The following NRG3 variants were observed in gnomAD, a reference collection of about 807,000 sequenced individuals.
NRG3 encodes neuregulin 3.
In NRG3, 31 loss-of-function variants were observed where a neutral mutation model predicts 66.9. The observed-to-expected ratio is 0.46, with a 90% CI of 0.35 to 0.63. The LOEUF is 0.63. Among genes scored for constraint, NRG3 ranks in the 20% least tolerant of loss-of-function variants. The probability of loss-of-function intolerance (pLI) is 0.00; values close to 1 mark genes in which losing one functional copy is unlikely to be tolerated. For synonymous variants in NRG3, 393 were observed against 359.4 expected, an observed-to-expected ratio of 1.09 and a Z score of -1.06; for missense variants, 910 against 878.9, an observed-to-expected ratio of 1.04 and a Z score of -0.45.
chr10:82,932,846 A>T (rs1439423125), intron 4 of NRG3, among the ~76,000 whole-genome samples: 1 of 152,168 alleles, frequency 6.6e-6, no homozygotes, highest in East Asian at 1.9e-4. Context: ...ATGAAGACAC[A>T]CAGGCAGTAA....
chr10:82,940,014 T>C (rs1848453285), intron 4 of NRG3, among the ~76,000 whole-genome samples: 1 of 152,134 alleles, frequency 6.6e-6, no homozygotes, highest in Admixed American at 6.5e-5. Flanking sequence ...CACATACAAC[T>C]ATCCAGAAAT....
chr10:82,846,391 A>G (rs1445258505), intron 3 of NRG3, among the ~76,000 whole-genome samples: 1 of 152,224 alleles, frequency 6.6e-6, no homozygotes, highest in Admixed American at 6.5e-5. Context: ...GAATTATAAT[A>G]GCAGATGATG....
chr10:82,771,676 T>C (rs1252988288), intron 3 of NRG3, among the ~76,000 whole-genome samples: 3 of 152,212 alleles, frequency 2.0e-5, no homozygotes, highest in African/African-American at 7.2e-5. Context: ...ACTTAATCAG[T>C]GCTAAGTCCT....
At chr10:82,659,950 C>T (rs1283598004) in intron 2 of NRG3, among the ~76,000 whole-genome samples, 1 of 151,814 alleles carries the variant, frequency 6.6e-6, no homozygotes. Flanking sequence ...AATCCCAACA[C>T]TTTGGGAGGT....
chr10:82,386,115 T>C (rs2085969124), intron 2 of NRG3, among the ~76,000 whole-genome samples: 1 of 152,164 alleles, frequency 6.6e-6, no homozygotes, highest in African/African-American at 2.4e-5. Context: ...CTTTTATTCC[T>C]CATTATTCTA....
At chr10:82,979,166 G>A (rs571245435) in intron 8 of NRG3, 46 bp downstream of exon 8, 2 of 1,581,754 alleles carry the variant, frequency 1.3e-6, no homozygotes, top group Admixed American at 1.7e-5. Flanking sequence ...TGTCTTTAAT[G>A]CCATAGCTTT....
chr10:82,393,493 T>C (rs1414894431), intron 2 of NRG3, among the ~76,000 whole-genome samples: 1 of 152,088 alleles, frequency 6.6e-6, no homozygotes, highest in Non-Finnish European at 1.5e-5. Context: ...ACAACAGAAG[T>C]CATTGCCAGG....
intron 4 of NRG3, among the ~76,000 whole-genome samples, chr10:82,883,323 C>A (rs1432108146): frequency 2.0e-5 from 3 of 152,076 alleles, no homozygotes; most frequent in Non-Finnish European, 2.9e-5. Context: ...TTAGAAGAAG[C>A]CTCGGAGATC....
At chr10:82,665,350 A>T (rs932235957) in intron 2 of NRG3, among the ~76,000 whole-genome samples, 1 of 152,132 alleles carries the variant, frequency 6.6e-6, no homozygotes, top group Non-Finnish European at 1.5e-5. Context: ...ATCATCAACA[A>T]TTTTTTGTAG....
chr10:82,445,633 C>T (rs2090679442), intron 2 of NRG3, among the ~76,000 whole-genome samples: 1 of 152,150 alleles, frequency 6.6e-6, no homozygotes, highest in Non-Finnish European at 1.5e-5. Context: ...TTTTCCTCTC[C>T]TCTCCACCTG....
chr10:82,679,668 C>T (rs941815639), intron 2 of NRG3, among the ~76,000 whole-genome samples: 7 of 152,122 alleles, frequency 4.6e-5, no homozygotes, highest in African/African-American at 1.4e-4. Context: ...GATTACAGGG[C>T]AGTGTACAAA....
intron 4 of NRG3, among the ~76,000 whole-genome samples, chr10:82,931,955 A>G (rs1460987512): frequency 6.6e-6 from 1 of 152,232 alleles, no homozygotes; most frequent in Non-Finnish European, 1.5e-5. Context: ...CATTTGTGAA[A>G]TGAAGATAAA....
chr10:82,779,620 G>T (rs1349459780), intron 3 of NRG3, among the ~76,000 whole-genome samples: 1 of 151,820 alleles, frequency 6.6e-6, no homozygotes, highest in Non-Finnish European at 1.5e-5. Context: ...TATTTTTTCT[G>T]CTAAGTTCCT....
intron 2 of NRG3, among the ~76,000 whole-genome samples, chr10:82,460,211 A>C (rs577407975): frequency 3.3e-5 from 5 of 152,290 alleles, no homozygotes; most frequent in Admixed American, 2.0e-4. Flanking sequence ...GAGTTGGTAC[A>C]TTGGGTTATG....
intron 3 of NRG3, among the ~76,000 whole-genome samples, chr10:82,860,907 C>T (rs922360411): frequency 3.9e-5 from 6 of 152,098 alleles, no homozygotes; most frequent in African/African-American, 7.2e-5. Flanking sequence ...TTCCTGCAGG[C>T]GTGAATATCC....
At chr10:82,864,959 A>G (rs1406429422) in intron 3 of NRG3, among the ~76,000 whole-genome samples, 1 of 152,208 alleles carries the variant, frequency 6.6e-6, no homozygotes, top group Non-Finnish European at 1.5e-5. Flanking sequence ...ACACCTGATT[A>G]GGGCCTGGCA....
At chr10:82,159,464 G>A (rs1052326941) in intron 1 of NRG3, among the ~76,000 whole-genome samples, 1 of 151,746 alleles carries the variant, frequency 6.6e-6, no homozygotes, top group African/African-American at 2.4e-5. Flanking sequence ...TCATCCTTTA[G>A]GATTTCATTC....
chr10:82,319,076 G>A (rs749681674), intron 1 of NRG3, among the ~76,000 whole-genome samples: 18 of 152,310 alleles, frequency 1.2e-4, no homozygotes, highest in Non-Finnish European at 1.8e-4. Flanking sequence ...ATTGTTATAG[G>A]AAACATATCT....
intron 1 of NRG3, among the ~76,000 whole-genome samples, chr10:81,927,513 A>T (rs990228149): frequency 1.3e-5 from 2 of 152,212 alleles, no homozygotes; most frequent in African/African-American, 2.4e-5. Context: ...GAAATAGAAC[A>T]AATTAAGTTC....
Sources: allele counts gnomAD v4.1 joint callset (sites outside exome capture counted in the v4.1 genomes callset), GRCh38; gene constraint gnomAD v4.1.1; transcripts MANE v1.5; gene names NCBI Gene and HGNC (gene_info 2026-07-23, HGNC 2026-07-21).